Variants in ZNF721 observed in about 807,000 individuals in gnomAD.
ZNF721 encodes the protein zinc finger protein 721.
ZNF721 carries 2 observed loss-of-function variants against 2.4 expected under a neutral mutation model. The ratio of observed to expected loss-of-function variants is 0.82; its 90% CI spans 0.34 to 2.58. The LOEUF (loss-of-function observed/expected upper bound fraction) is 2.58. Ranked by LOEUF, ZNF721 falls within the 30% of genes most tolerant of loss-of-function variation. The pLI, the probability that ZNF721 is intolerant of heterozygous loss-of-function variation, is 0.11. For synonymous variants in ZNF721, 398 were observed against 381.8 expected, an observed-to-expected ratio of 1.04 and a Z score of -0.50; for missense variants, 1,187 against 1,085.5, an observed-to-expected ratio of 1.09 and a Z score of -1.31.
At position 466,945 on chromosome 4, in the gene ZNF721, G is replaced by A. The variant is rs113684621; in HGVS notation, c.34+5630C>T. Among the ~76,000 whole-genome samples the A allele has an allele frequency of 6.1e-3, 934 of 152,280 alleles. 11 individuals carry two copies. The highest frequency in any genetic ancestry group is 0.021 in the African/African-American group (880 of 41,566). On this transcript the variant is annotated intron_variant, in intron 2 of 2. Coordinates refer to ENST00000511833, the MANE Select transcript of ZNF721 (RefSeq NM_133474.4). ...TTAAAAGGATGCGGCTTGGCCGGGC[G>A]CGGTGGCTCACGCCTGTAATCCCAG...
rs1452602913 is a variant in ZNF721 at position 442,067 on chromosome 4, CTTA to C, written c.2397_2399del (p.His799_Lys800delinsGln). 5 of 1,613,768 alleles carry C rather than the reference CTTA, an allele frequency of 3.1e-6. No individual in the cohort carries two copies. The highest frequency in any genetic ancestry group is 4.2e-6 in the Non-Finnish European group (5 of 1,179,828). The stretch of plus-strand genomic sequence containing the variant: ...AGGGTTTCTCACCTGTATGAATCCT[CTTA>C]TGTTTAGCAAAGCTTGAGGATGACG... On this transcript the variant is annotated inframe_deletion, in exon 3 of 3. Transcript: ENST00000511833.
chr4:487,028 T>C (rs781796760), intron 1 of ZNF721, among the ~76,000 whole-genome samples: 1 of 152,174 alleles, frequency 6.6e-6, no homozygotes, highest in Non-Finnish European at 1.5e-5. Flanking sequence ...CAGGCCAACG[T>C]TGATCCTGAG....
intron 2 of ZNF721, among the ~76,000 whole-genome samples, chr4:471,416 T>G (rs1169226330): frequency 2.0e-5 from 3 of 152,146 alleles, no homozygotes; most frequent in African/African-American, 4.8e-5. Flanking sequence ...ATGGATAGAC[T>G]TGGAGGACAT....
rs1184332121 is a variant in ZNF721, at chr4:441,726, A to G, written c.2741T>C (p.Ile914Thr). Residue 914 changes from isoleucine to threonine, a missense_variant, in exon 3 of 3, where the codon ATT becomes ACT. Coordinates refer to ENST00000511833, the MANE Select transcript of ZNF721 (RefSeq NM_133474.4). ...TTGTATGGTTTTATCTCCAGTATGA[A>G]TTTTCTTATGTGCATAAAGATTTGC... ...QSANLYAHKK[I>T]HTGDKTIQV 6.2e-7 allele frequency: 1 copy of G among 1,611,776 alleles called. No homozygotes were observed. The highest frequency in any genetic ancestry group is 8.5e-7 in the Non-Finnish European group (1 of 1,178,876).
intron 1 of ZNF721, among the ~76,000 whole-genome samples, chr4:480,421 A>G (rs1297856977): frequency 6.6e-6 from 1 of 152,214 alleles, no homozygotes; most frequent in Non-Finnish European, 1.5e-5. Flanking sequence ...AAAAACTCAA[A>G]ACATTGGTCA....
intron 1 of ZNF721, among the ~76,000 whole-genome samples, chr4:486,271 G>A (rs1715895255): frequency 6.6e-6 from 1 of 150,654 alleles, no homozygotes; most frequent in South Asian, 2.1e-4. Flanking sequence ...TGATTCTCCT[G>A]CCTCCGCCTC....
Position 499,048 on chromosome 4 carries a change from C to G in ZNF721, c.-94+8G>C. On this transcript the variant is annotated splice_region_variant and intron_variant, in intron 1 of 2. Coordinates refer to ENST00000511833, the MANE Select transcript of ZNF721 (RefSeq NM_133474.4). ...CTTCCAAATTAAAAACTTTTTAAAA[C>G]CTCGTACCTCGCCGTGGGCGGCGAC... The G allele has an allele frequency of 6.0e-6, 3 of 502,264 alleles. No homozygotes were observed. The South Asian group carries it at 7.5e-5, about 13-fold the overall frequency. 31.1% of individuals were successfully genotyped at this position (502,264 alleles called of 1,614,324 possible).
chr4:494,364 GT>G (rs1716097612), intron 1 of ZNF721, among the ~76,000 whole-genome samples: 1 of 150,536 alleles, frequency 6.6e-6, no homozygotes, highest in Non-Finnish European at 1.5e-5. Context: ...TTTTTTGTAT[GT>G]TTAGTAGAGA....
In ZNF721 at chr4:473,970, C is replaced by T. The variant is rs782554828; in HGVS notation, c.-93-1269G>A. ...TCCCCAGCCTTGGGACGCCCTGCCC[C>T]GCACACTCACCATTTCTCAGCTTCA... On this transcript the variant is annotated intron_variant, in intron 1 of 2. Coordinates refer to ENST00000511833, the MANE Select transcript of ZNF721 (RefSeq NM_133474.4). 9 of 1,506,952 alleles carry T rather than the reference C, an allele frequency of 6.0e-6. No individual in the cohort carries two copies. The Admixed American group carries it at 7.0e-5, about 12-fold the overall frequency. 93.3% of individuals were successfully genotyped at this position (1,506,952 alleles called of 1,614,324 possible). A position where few individuals can be genotyped will look rare whatever the true frequency, so the allele number is the denominator to read the frequency against.
intron 2 of ZNF721, among the ~76,000 whole-genome samples, chr4:449,056 T>C (rs1714567836): frequency 6.6e-6 from 1 of 152,130 alleles, no homozygotes; most frequent in Admixed American, 6.5e-5. Context: ...GCAGAATTGT[T>C]TTTGTAAAGG....
At chr4:470,243 A>G (rs1380527691) in intron 2 of ZNF721, among the ~76,000 whole-genome samples, 3 of 152,184 alleles carry the variant, frequency 2.0e-5, no homozygotes, top group Non-Finnish European at 4.4e-5. Context: ...ACTTACACGT[A>G]AGACAAAAAC....
chr4:452,531 A>C (rs113795312), intron 2 of ZNF721, among the ~76,000 whole-genome samples: 1 of 152,194 alleles, frequency 6.6e-6, no homozygotes, highest in African/African-American at 2.4e-5. Context: ...GGACAGAAAG[A>C]GAGCGTGGCT....
intron 1 of ZNF721, chr4:473,831 G>A (rs1455938950): frequency 2.2e-6 from 2 of 923,322 alleles, no homozygotes; most frequent in African/African-American, 3.4e-5. Context: ...CCCGACAGGA[G>A]CGCGGGTCCC....
At chr4:497,372 G>A (rs1477511941) in intron 1 of ZNF721, among the ~76,000 whole-genome samples, 1 of 152,014 alleles carries the variant, frequency 6.6e-6, no homozygotes, top group Admixed American at 6.6e-5. Context: ...ATCAATAGGC[G>A]AACTGCTGCA....
At chr4:478,228 T>G (rs1715683769) in intron 1 of ZNF721, among the ~76,000 whole-genome samples, 1 of 152,208 alleles carries the variant, frequency 6.6e-6, no homozygotes, top group Non-Finnish European at 1.5e-5. Flanking sequence ...TTGCACTTCT[T>G]GGTAACGTGT....
intron 2 of ZNF721, among the ~76,000 whole-genome samples, chr4:455,000 GA>G (rs1211737642): frequency 6.6e-6 from 1 of 152,170 alleles, no homozygotes; most frequent in African/African-American, 2.4e-5. Context: ...AGCTTCACGA[GA>G]CCTCTCCTCA....
chr4:449,339 T>C (rs1232171496), intron 2 of ZNF721, among the ~76,000 whole-genome samples: 1 of 152,088 alleles, frequency 6.6e-6, no homozygotes, highest in Non-Finnish European at 1.5e-5. Flanking sequence ...ATTTTTGTTA[T>C]TGGAAAAAGA....
At chr4:472,065 T>A (rs1553867754) in intron 2 of ZNF721, among the ~76,000 whole-genome samples, 1 of 152,184 alleles carries the variant, frequency 6.6e-6, no homozygotes, top group South Asian at 2.1e-4. Flanking sequence ...TTATTTTTTG[T>A]TTTTTGGTTT....
intron 1 of ZNF721, among the ~76,000 whole-genome samples, chr4:489,742 AGTAAAATG>A (rs1231620889): frequency 3.3e-5 from 5 of 152,252 alleles, no homozygotes; most frequent in Non-Finnish European, 7.3e-5. Context: ...GCTGGTTTGA[AGTAAAATG>A]TGCTGCAAAT....
Sources: allele counts gnomAD v4.1 joint callset (sites outside exome capture counted in the v4.1 genomes callset), GRCh38; gene constraint gnomAD v4.1.1; transcripts MANE v1.5; gene names NCBI Gene and HGNC (gene_info 2026-07-23, HGNC 2026-07-21).